Variants in RSU1 observed in about 807,000 individuals in gnomAD.
RSU1 encodes the protein Ras suppressor protein 1, also known as rsu-1.
In RSU1, 26 loss-of-function variants were observed where a neutral mutation model predicts 31.1. That is an observed-to-expected ratio of 0.84 (90% confidence interval 0.61 to 1.16). The LOEUF (loss-of-function observed/expected upper bound fraction) is 1.16. Ranked by LOEUF, RSU1 falls within the 50% of genes most tolerant of loss-of-function variation. The probability of loss-of-function intolerance (pLI) is 0.00; values close to 1 mark genes in which losing one functional copy is unlikely to be tolerated. For missense variants in RSU1, 320 were observed against 339.1 expected, an observed-to-expected ratio of 0.94 and a Z score of 0.44; for synonymous variants, 164 against 136.3, an observed-to-expected ratio of 1.20 and a Z score of -1.41.
chr10:16,598,035 C>A (rs534082206), intron 8 of RSU1, among the ~76,000 whole-genome samples: 2 of 152,230 alleles, frequency 1.3e-5, no homozygotes, highest in African/African-American at 4.8e-5. Context: ...CTGCCAGTTA[C>A]GAGCCACGGG....
At position 16,741,344 on chromosome 10, in the gene RSU1, A is replaced by C. The variant is rs573452706; in HGVS notation, c.598+11195T>G. On this transcript the variant is annotated intron_variant, in intron 7 of 8. Transcript: ENST00000345264. ...ATCAAAGATATAAATGTAAGAGCCAAACTATAAAACCCTTAGGGCTAGGAG... is the reference window on the plus strand; with the variant it reads ...ATCAAAGATATAAATGTAAGAGCCACACTATAAAACCCTTAGGGCTAGGAG... Among the ~76,000 whole-genome samples the C allele has an allele frequency of 1.2e-3, 177 of 152,334 alleles. 1 individual carries two copies. Among genetic ancestry groups the C allele is most frequent in the African/African-American group, 4.0e-3 (166 of 41,582 alleles).
chr10:16,795,747 GT>G (rs201708850), intron 2 of RSU1, among the ~76,000 whole-genome samples: 8 of 152,120 alleles, frequency 5.3e-5, no homozygotes, highest in Non-Finnish European at 1.2e-4. Context: ...TACACAGGTT[GT>G]TTTTTTGCCA....
intron 7 of RSU1, among the ~76,000 whole-genome samples, chr10:16,702,325 T>C (rs1835808689): frequency 6.6e-6 from 1 of 152,192 alleles, no homozygotes; most frequent in African/African-American, 2.4e-5. Flanking sequence ...ACTGGGGCTA[T>C]CAGTGGAGGA....
At chr10:16,662,795 G>A (rs908127807) in intron 8 of RSU1, among the ~76,000 whole-genome samples, 7 of 152,012 alleles carry the variant, frequency 4.6e-5, no homozygotes, top group Admixed American at 2.6e-4. Context: ...GAAAAAAATC[G>A]GGTTATTTTT....
chr10:16,598,153 T>C (rs997359076), intron 8 of RSU1, among the ~76,000 whole-genome samples: 2 of 152,226 alleles, frequency 1.3e-5, no homozygotes, highest in Non-Finnish European at 2.9e-5. Context: ...GTGGGGACTC[T>C]GCAGGCATGA....
chr10:16,688,987 G>A (rs1835492922), intron 8 of RSU1, among the ~76,000 whole-genome samples: 1 of 146,852 alleles, frequency 6.8e-6, no homozygotes, highest in Non-Finnish European at 1.5e-5. Context: ...CAGCCTGGGT[G>A]ACAAAGTGAT....
intron 4 of RSU1, among the ~76,000 whole-genome samples, chr10:16,755,371 C>T (rs986193745): frequency 6.6e-6 from 1 of 151,968 alleles, no homozygotes; most frequent in Non-Finnish European, 1.5e-5. Flanking sequence ...AATCCTCTCA[C>T]CTAGGCCTCC....
rs941059034 is a variant in RSU1, at chr10:16,643,024, CA to C, written c.732-49529del. Among the ~76,000 whole-genome samples the C allele has an allele frequency of 9.9e-5, 15 of 151,746 alleles. No homozygotes were observed. In the South Asian group the frequency reaches 2.5e-3, roughly 25 times the overall value. On this transcript the variant is annotated intron_variant, in intron 8 of 8. Coordinates refer to ENST00000345264, the MANE Select transcript of RSU1 (RefSeq NM_012425.4). ...TTTACTGCTTACTTTACTTAGGAGA[CA>C]AAAAAAATTAATATTTTCATAATGA...
At chr10:16,715,249 G>C (rs1836117349) in intron 7 of RSU1, among the ~76,000 whole-genome samples, 1 of 152,196 alleles carries the variant, frequency 6.6e-6, no homozygotes, top group Admixed American at 6.5e-5. Flanking sequence ...ATATTGCTCT[G>C]GGTTGCCTTT....
chr10:16,815,918 G>C (rs1838519259), intron 2 of RSU1, among the ~76,000 whole-genome samples: 1 of 152,220 alleles, frequency 6.6e-6, no homozygotes, highest in South Asian at 2.1e-4. Flanking sequence ...CTCTGGTCCA[G>C]GAAGGGCAAC....
In RSU1 at chr10:16,752,963, A is replaced by G. The variant is rs755855484; in HGVS notation, c.438T>C (p.Phe146=). The change falls in exon 6 of 9, where the codon TTT becomes TTC. Residue 146 remains phenylalanine (F), a synonymous_variant. Transcript: ENST00000345264. ...LRALYLSDND[F]EILPPDIGKL... is the part of the protein sequence containing the mutation. Reference sequence around the variant, plus strand: ...TCCCAATATCTGGCGGCAGGATTTCAAAATCGTTGTCACTTAGATAGAGTG... The same window carrying G: ...TCCCAATATCTGGCGGCAGGATTTCGAAATCGTTGTCACTTAGATAGAGTG... 3 of 1,613,844 alleles carry G rather than the reference A, an allele frequency of 1.9e-6. No individual in the cohort carries two copies. Among genetic ancestry groups the G allele is most frequent in the Admixed American group, 1.7e-5 (1 of 60,002 alleles).
chr10:16,612,520 C>T (rs1833910085), intron 8 of RSU1, among the ~76,000 whole-genome samples: 1 of 152,210 alleles, frequency 6.6e-6, no homozygotes, highest in Non-Finnish European at 1.5e-5. Context: ...ATCTTCAGTC[C>T]TCTGCAGCTC....
Position 16,591,933 on chromosome 10 carries a change from G to A in RSU1, c.*1461C>T, listed in dbSNP as rs1833512696. 6.6e-6 allele frequency: 1 copy of A among 152,174 alleles called. No homozygotes were observed. The allele number at this position is 152,174 out of a possible 1,614,324, so 9.4% of individuals were successfully genotyped here. A position where few individuals can be genotyped will look rare whatever the true frequency, so the allele number is the denominator to read the frequency against. Reference sequence around the variant, plus strand: ...TAAACAGGGGATGGGACCTGGGGAAGCCACTTCCCACATTTAAATGTTCTA... The same window carrying A: ...TAAACAGGGGATGGGACCTGGGGAAACCACTTCCCACATTTAAATGTTCTA... On this transcript the variant is annotated 3_prime_UTR_variant, in exon 9 of 9. Transcript: ENST00000345264.
intron 3 of RSU1, among the ~76,000 whole-genome samples, chr10:16,772,942 C>G (rs1258424426): frequency 6.6e-6 from 1 of 152,128 alleles, no homozygotes; most frequent in African/African-American, 2.4e-5. Context: ...AGCAGTGGCT[C>G]ACACCTGTAA....
rs575161143 is a variant in RSU1, at chr10:16,694,154, G to C, written c.731+869C>G. Among the ~76,000 whole-genome samples, 4 of 152,250 alleles carry C rather than the reference G, an allele frequency of 2.6e-5. No homozygotes were observed. In the East Asian group the frequency reaches 7.7e-4, roughly 29 times the overall value. ...GGAGGAAGAAAGAAGCAGGAATCGTGAGGTTTTTGGGACAGTTTTGCATAG... is the reference window on the plus strand; with the variant it reads ...GGAGGAAGAAAGAAGCAGGAATCGTCAGGTTTTTGGGACAGTTTTGCATAG... On this transcript the variant is annotated intron_variant, in intron 8 of 8. Coordinates refer to ENST00000345264, the MANE Select transcript of RSU1 (RefSeq NM_012425.4).
At chr10:16,697,316 C>T (rs944928470) in intron 7 of RSU1, among the ~76,000 whole-genome samples, 5 of 152,128 alleles carry the variant, frequency 3.3e-5, no homozygotes, top group African/African-American at 1.2e-4. Flanking sequence ...CAGACATCAG[C>T]ATGAATCAAC....
At chr10:16,753,351 CAAAG>C (rs1837017768) in intron 5 of RSU1, among the ~76,000 whole-genome samples, 1 of 152,172 alleles carries the variant, frequency 6.6e-6, no homozygotes, top group East Asian at 1.9e-4. Context: ...CAAAGTAAAA[CAAAG>C]AACACTACTG....
chr10:16,737,267 A>C (rs1254670138), intron 7 of RSU1, among the ~76,000 whole-genome samples: 1 of 152,130 alleles, frequency 6.6e-6, no homozygotes, highest in African/African-American at 2.4e-5. Flanking sequence ...CTATAAACCC[A>C]TATATGAGAC....
intron 7 of RSU1, among the ~76,000 whole-genome samples, chr10:16,728,799 T>A (rs1329885670): frequency 6.6e-6 from 1 of 152,012 alleles, no homozygotes; most frequent in Non-Finnish European, 1.5e-5. Flanking sequence ...CAGAGAATGA[T>A]GTGGTAGGTT....
Sources: gnomAD v4.1 joint callset for allele counts (sites outside exome capture counted in the v4.1 genomes callset) on GRCh38, gnomAD v4.1.1 for gene constraint, MANE v1.5 for transcripts, NCBI Gene and HGNC (gene_info 2026-07-23, HGNC 2026-07-21) for gene names.